XDH: variants seen among roughly 807,000 people sequenced by gnomAD.
XDH encodes xanthine dehydrogenase, also known as xanthine dehydrogenase/oxidase.
A neutral mutation model predicts 156.1 loss-of-function variants in XDH; 138 were observed. That is an observed-to-expected ratio of 0.88 (90% CI 0.77 to 1.02). The LOEUF is 1.02. Among genes scored for constraint, XDH ranks in the 50% least tolerant of loss-of-function variants. XDH has a pLI of 0.00. For synonymous variants in XDH, 669 were observed against 625.7 expected, an observed-to-expected ratio of 1.07 and a Z score of -1.03; for missense variants, 1,849 against 1,684.9, an observed-to-expected ratio of 1.10 and a Z score of -1.71.
intron 9 of XDH, 134 bp from the exon 10 acceptor site, chr2:31,383,981 G>C (rs1057209439): frequency 2.3e-6 from 2 of 851,204 alleles, no homozygotes; most frequent in Admixed American, 2.0e-5. Flanking sequence ...GGTGACTGTA[G>C]GTGTCTGGGA....
rs541964944 is a variant in XDH at position 31,387,771 on chromosome 2, G to C, written c.651+40C>G. The C allele has an allele frequency of 1.3e-5, 20 of 1,543,076 alleles. No individual in the cohort carries two copies. The South Asian group carries it at 2.4e-4, about 18-fold the overall frequency. On this transcript the variant is annotated intron_variant, in intron 8 of 35. Transcript: ENST00000379416. ...TAAAGCAGGTTTCCAGGGACTCACAGTACAGACCCGGCTGGATCTGTCCCT... is the reference window on the plus strand; with the variant it reads ...TAAAGCAGGTTTCCAGGGACTCACACTACAGACCCGGCTGGATCTGTCCCT...
chr2:31,372,094 C>G, intron 17 of XDH, 134 bp downstream of exon 17: 1 of 1,361,272 alleles, frequency 7.3e-7, no homozygotes, highest in Non-Finnish European at 1.0e-6. Context: ...TCCCCTCTCT[C>G]TAGCCTGGGA....
At chr2:31,344,809 A>G in intron 30 of XDH, 73 bp from the exon 31 acceptor site, 1 of 1,520,704 alleles carries the variant, frequency 6.6e-7, no homozygotes. Context: ...CTAAGCTTTC[A>G]GGAGCTCACC....
chr2:31,403,562 G>A (rs1045078990), intron 2 of XDH, among the ~76,000 whole-genome samples: 9 of 152,156 alleles, frequency 5.9e-5, no homozygotes, highest in Admixed American at 3.3e-4. Flanking sequence ...GCCAGAATGA[G>A]ACATTGATCT....
chr2:31,384,247 C>G lies in XDH; in HGVS notation c.794-400G>C, dbSNP rs147270221. 40 of 251,380 alleles carry G rather than the reference C, an allele frequency of 1.6e-4. 1 individual carries two copies. The East Asian group carries it at 3.4e-3, about 21-fold the overall frequency. The allele number at this position is 251,380 out of a possible 1,614,324, so 15.6% of individuals were successfully genotyped here. On this transcript the variant is annotated intron_variant, in intron 9 of 35. Transcript: ENST00000379416. The stretch of plus-strand genomic sequence containing the variant: ...TTAACTTAATTAATGCTCACAACAA[C>G]CCTATGAGGTACTATGATTTTTCTG...
intron 1 of XDH, among the ~76,000 whole-genome samples, chr2:31,411,407 A>G (rs1417574940): frequency 6.6e-6 from 1 of 151,926 alleles, no homozygotes; most frequent in Non-Finnish European, 1.5e-5. Context: ...TATATTAATT[A>G]TGTACATTAA....
intron 4 of XDH, 74 bp downstream of exon 4, chr2:31,401,146 G>GC: frequency 6.4e-7 from 1 of 1,551,582 alleles, no homozygotes; most frequent in East Asian, 2.3e-5. Flanking sequence ...AAGCAAGTCT[G>GC]CAACTTTGGC....
In XDH at chr2:31,378,127, G is replaced by GAAA. The variant is rs1558696722; in HGVS notation, c.1243-891_1243-890insTTT. 1.9e-3 allele frequency among the ~76,000 whole-genome samples: 91 copies of GAAA among 47,960 alleles called. 4 individuals carry two copies. The highest frequency in any genetic ancestry group is 6.5e-3 in the African/African-American group (87 of 13,472). The allele number at this position is 47,960 out of a possible 152,430, so 31.5% of individuals were successfully genotyped here. A position where few individuals can be genotyped will look rare whatever the true frequency, so the allele number is the denominator to read the frequency against. ...GAAAGAAAGGAAGGAAGGAAGGAAG[G>GAAA]AAGGAAGGAAGGAAGGAAGGAAGGA... is the stretch of plus-strand genomic sequence containing the variant. On this transcript the variant is annotated intron_variant, in intron 13 of 35. Transcript: ENST00000379416.
chr2:31,395,825 A>G (rs926891791), intron 6 of XDH, among the ~76,000 whole-genome samples: 3 of 152,216 alleles, frequency 2.0e-5, no homozygotes, highest in Admixed American at 6.5e-5. Context: ...CAGTTTGTTC[A>G]GCCTTTTTCT....
intron 18 of XDH, among the ~76,000 whole-genome samples, chr2:31,369,577 G>T (rs1047125246): frequency 6.6e-6 from 1 of 152,108 alleles, no homozygotes; most frequent in Non-Finnish European, 1.5e-5. Context: ...TTAGTGCAAT[G>T]GTGGTTAAAT....
chr2:31,378,123 G>A (rs375779967), intron 13 of XDH, among the ~76,000 whole-genome samples: 2,824 of 37,954 alleles, frequency 0.074, 47 homozygotes, highest in Admixed American at 0.15. Context: ...AGGAAGGAAG[G>A]AAGGAAGGAA....
At chr2:31,352,929 C>T (rs1685522442) in intron 24 of XDH, among the ~76,000 whole-genome samples, 1 of 147,294 alleles carries the variant, frequency 6.8e-6, no homozygotes, top group Admixed American at 6.9e-5. Context: ...CCATGTTGGC[C>T]AGGCTGGTCT....
chr2:31,346,811 T>G lies in XDH; in HGVS notation c.3309A>C (p.Glu1103Asp), dbSNP rs754091337. 65 of 1,613,910 alleles carry G rather than the reference T, an allele frequency of 4.0e-5. No individual in the cohort carries two copies. Among genetic ancestry groups the G allele is most frequent in the Non-Finnish European group, 5.3e-5 (62 of 1,180,018 alleles). The change falls in exon 30 of 36, where the codon GAA (glutamate) becomes GAC (aspartate). Residue 1103 changes from glutamate to aspartate, a missense_variant. Coordinates refer to ENST00000379416, the MANE Select transcript of XDH (RefSeq NM_000379.4). Reference sequence around the variant, plus strand: ...CACTGGGATTCTTCTTCTTGTAGGGTTCCAGCCTTTTCAAGATGGTCTGAC... The same window carrying G: ...CACTGGGATTCTTCTTCTTGTAGGGGTCCAGCCTTTTCAAGATGGTCTGAC... Reference protein sequence around the residue: ...AACQTILKRLEPYKKKNPSGS... With the variant: ...AACQTILKRLDPYKKKNPSGS...
Position 31,341,336 on chromosome 2 carries a change from A to T in XDH, c.3578T>A (p.Ile1193Asn). ...VGSSLNPAID[I>N]GQVEGAFVQG... ...GGTCCCACTGAGCCTCACCTGTCCA[A>T]TATCAATGGCAGGGTTTAGACTGGA... The change falls in exon 33 of 36, where the codon ATT (isoleucine) becomes AAT (asparagine). Residue 1193 changes from isoleucine to asparagine, a missense_variant. Physicochemically the swap from Ile to Asn is moderately radical, Grantham distance 149 (BLOSUM62 -3). Coordinates refer to ENST00000379416, the MANE Select transcript of XDH (RefSeq NM_000379.4). 6.4e-7 allele frequency: 1 copy of T among 1,573,126 alleles called. No homozygotes were observed. The highest frequency in any genetic ancestry group is 1.2e-5 in the South Asian group (1 of 85,808).
In XDH at chr2:31,382,629, C is replaced by G. The variant is rs576601061; in HGVS notation, c.1038+372G>C. 1.8e-4 allele frequency among the ~76,000 whole-genome samples: 27 copies of G among 152,242 alleles called. No individual in the cohort carries two copies. The South Asian group carries it at 5.6e-3, about 32-fold the overall frequency. Reference sequence around the variant, plus strand: ...TTCCCCTCTCAATTCTGACTTCTCCCTAGCATATCCATATCTCTTGTTCAC... The same window carrying G: ...TTCCCCTCTCAATTCTGACTTCTCCGTAGCATATCCATATCTCTTGTTCAC... On this transcript the variant is annotated intron_variant, in intron 11 of 35. Coordinates refer to ENST00000379416, the MANE Select transcript of XDH (RefSeq NM_000379.4).
In XDH at chr2:31,409,207, A is replaced by G. The variant is rs1687277768; in HGVS notation, c.43-3243T>C. Among the ~76,000 whole-genome samples the G allele has an allele frequency of 2.0e-5, 3 of 152,190 alleles. No individual in the cohort carries two copies. In the South Asian group the frequency reaches 6.2e-4, roughly 31 times the overall value. ...GGTACAAAAAAATAGAAAGAATGAA[A>G]AAGACCTAGTGTTGGATAACACAAC... is the stretch of plus-strand genomic sequence containing the variant. On this transcript the variant is annotated intron_variant, in intron 1 of 35. Coordinates refer to ENST00000379416, the MANE Select transcript of XDH (RefSeq NM_000379.4).
rs1685332575 is a variant in XDH, at chr2:31,347,519, T to C, written c.3276+3A>G. The C allele has an allele frequency of 1.2e-6, 2 of 1,613,598 alleles. No homozygotes were observed. The highest frequency in any genetic ancestry group is 3.3e-5 in the Admixed American group (2 of 59,994). The stretch of plus-strand genomic sequence containing the variant: ...GCTCTGCGGGATCCCATGGGCTCCT[T>C]ACATAGACGGCCTGTCCATTGAGGT... On this transcript the variant is annotated splice_donor_region_variant and intron_variant, in intron 29 of 35. Coordinates refer to ENST00000379416, the MANE Select transcript of XDH (RefSeq NM_000379.4).
chr2:31,339,647 G>C lies in XDH; in HGVS notation c.3616C>G (p.Leu1206Val). The change falls in exon 34 of 36, where the codon CTC becomes GTC. Residue 1206 changes from leucine to valine, a missense_variant. Physicochemically the swap from Leu to Val is conservative, Grantham distance 32. Transcript: ENST00000379416. ...TAGTGTAGCTCCTCTAGGGTGAAGA[G>C]GCCAAGGCCCTGGACAAATGCCCCT... is the stretch of plus-strand genomic sequence containing the variant. ...VEGAFVQGLG[L>V]FTLEELHYSP... is the part of the protein sequence containing the mutation. 6.2e-7 allele frequency: 1 copy of C among 1,614,176 alleles called. No homozygotes were observed.
At chr2:31,360,160 A>G (rs1266536662) in intron 24 of XDH, among the ~76,000 whole-genome samples, 4 of 152,216 alleles carry the variant, frequency 2.6e-5, no homozygotes, top group African/African-American at 9.6e-5. Context: ...CCTTGGTCCA[A>G]ACATATTATG....
Sources: allele counts gnomAD v4.1 joint callset (sites outside exome capture counted in the v4.1 genomes callset), GRCh38; gene constraint gnomAD v4.1.1; transcripts MANE v1.5; gene names NCBI Gene and HGNC (gene_info 2026-07-23, HGNC 2026-07-21).